LHFPL6: variants seen among roughly 807,000 people sequenced by gnomAD.
LHFPL6 encodes LHFPL tetraspan subfamily member 6.
LHFPL6 carries 9 observed loss-of-function variants against 20.6 expected under a neutral mutation model. The ratio of observed to expected loss-of-function variants is 0.44; its 90% CI spans 0.26 to 0.76. LHFPL6 has a LOEUF of 0.76. Among genes scored for constraint, LHFPL6 ranks in the 30% least tolerant of loss-of-function variants. The probability of loss-of-function intolerance (pLI) is 0.20; values close to 1 mark genes in which losing one functional copy is unlikely to be tolerated. For synonymous variants in LHFPL6, 105 were observed against 98.7 expected, an observed-to-expected ratio of 1.06 and a Z score of -0.38; for missense variants, 218 against 253.5, an observed-to-expected ratio of 0.86 and a Z score of 0.95.
intron 2 of LHFPL6, among the ~76,000 whole-genome samples, chr13:39,532,724 C>T (rs1019262136): frequency 1.3e-5 from 2 of 152,130 alleles, no homozygotes; most frequent in Non-Finnish European, 2.9e-5. Flanking sequence ...CCCTATAATG[C>T]TGTCATTCCA....
chr13:39,532,461 G>T (rs1008449349), intron 2 of LHFPL6, among the ~76,000 whole-genome samples: 1 of 152,060 alleles, frequency 6.6e-6, no homozygotes, highest in Admixed American at 6.6e-5. Context: ...GATAAAAATG[G>T]TTCCCTATTA....
intron 3 of LHFPL6, among the ~76,000 whole-genome samples, chr13:39,354,503 G>A (rs1279315596): frequency 6.6e-6 from 1 of 152,170 alleles, no homozygotes; most frequent in Non-Finnish European, 1.5e-5. Context: ...ACTTCCAAAT[G>A]ACCGTACTAG....
intron 2 of LHFPL6, among the ~76,000 whole-genome samples, chr13:39,520,111 G>A (rs75172354): frequency 0.025 from 3,808 of 152,208 alleles, 62 homozygotes; most frequent in Middle Eastern, 0.048. Flanking sequence ...CTTCAGAATC[G>A]GTTCATCTGA....
chr13:39,484,042 C>T (rs935627738), intron 2 of LHFPL6, among the ~76,000 whole-genome samples: 2 of 152,082 alleles, frequency 1.3e-5, no homozygotes, highest in Non-Finnish European at 2.9e-5. Flanking sequence ...TAAGTATTGG[C>T]TCTTCTCAAA....
intron 2 of LHFPL6, among the ~76,000 whole-genome samples, chr13:39,418,720 C>T (rs1449402751): frequency 6.6e-6 from 1 of 152,182 alleles, no homozygotes; most frequent in Admixed American, 6.5e-5. Context: ...ATATCTGATT[C>T]AGTCACAGAA....
At chr13:39,411,094 G>A (rs1871232785) in intron 2 of LHFPL6, among the ~76,000 whole-genome samples, 1 of 152,130 alleles carries the variant, frequency 6.6e-6, no homozygotes, top group Non-Finnish European at 1.5e-5. Flanking sequence ...ATGTCTGCAC[G>A]GGTAGTATGA....
intron 2 of LHFPL6, among the ~76,000 whole-genome samples, chr13:39,539,033 T>A (rs918064455): frequency 6.6e-6 from 1 of 152,096 alleles, no homozygotes; most frequent in South Asian, 2.1e-4. Flanking sequence ...CAGAAATGAA[T>A]GTGCATGGCT....
chr13:39,543,031 C>T (rs1870861161), intron 2 of LHFPL6, among the ~76,000 whole-genome samples: 1 of 152,184 alleles, frequency 6.6e-6, no homozygotes, highest in Non-Finnish European at 1.5e-5. Context: ...CCTCTTCCTC[C>T]AGCCCCTGGT....
At chr13:39,434,273 A>G (rs1871895333) in intron 2 of LHFPL6, among the ~76,000 whole-genome samples, 1 of 152,180 alleles carries the variant, frequency 6.6e-6, no homozygotes, top group Non-Finnish European at 1.5e-5. Context: ...TCTTTGTAAG[A>G]AAATATATTA....
intron 2 of LHFPL6, among the ~76,000 whole-genome samples, chr13:39,580,811 A>G (rs566738642): frequency 6.6e-6 from 1 of 152,248 alleles, no homozygotes; most frequent in South Asian, 2.1e-4. Context: ...ACCTGAGGCC[A>G]AGAGTCTGTA....
intron 3 of LHFPL6, among the ~76,000 whole-genome samples, chr13:39,357,495 C>G (rs1869757664): frequency 6.6e-6 from 1 of 152,156 alleles, no homozygotes; most frequent in South Asian, 2.1e-4. Context: ...GCTCCCTAGC[C>G]AGAGCAACCA....
chr13:39,401,158 C>A (rs1200698847), intron 2 of LHFPL6, among the ~76,000 whole-genome samples: 2 of 152,128 alleles, frequency 1.3e-5, no homozygotes, highest in Non-Finnish European at 2.9e-5. Flanking sequence ...AATTACATAA[C>A]CCCTGAAATC....
At chr13:39,550,387 A>T (rs1203519961) in intron 2 of LHFPL6, among the ~76,000 whole-genome samples, 1 of 152,134 alleles carries the variant, frequency 6.6e-6, no homozygotes, top group Non-Finnish European at 1.5e-5. Context: ...AACAGGATTA[A>T]ATTTACTGCA....
intron 3 of LHFPL6, among the ~76,000 whole-genome samples, chr13:39,349,576 A>G (rs2138335418): frequency 6.6e-6 from 1 of 152,350 alleles, no homozygotes; most frequent in Non-Finnish European, 1.5e-5. Context: ...GCTATCAAGA[A>G]GCTTATTGTC....
chr13:39,433,670 A>T (rs529331669), intron 2 of LHFPL6, among the ~76,000 whole-genome samples: 41 of 152,360 alleles, frequency 2.7e-4, no homozygotes, highest in Admixed American at 1.4e-3. Context: ...GGAAATAATA[A>T]TAAAACTGGC....
chr13:39,532,980 G>A (rs1183797093), intron 2 of LHFPL6, among the ~76,000 whole-genome samples: 1 of 152,094 alleles, frequency 6.6e-6, no homozygotes, highest in East Asian at 1.9e-4. Flanking sequence ...ATTAATATAT[G>A]TTTTCTGAAA....
chr13:39,526,681 C>G (rs3812881), intron 2 of LHFPL6, among the ~76,000 whole-genome samples: 119,853 of 152,122 alleles, frequency 0.79, 47,331 homozygotes, highest in Middle Eastern at 0.84. Context: ...ACAGCATCTC[C>G]TGAAGTCAAA....
intron 2 of LHFPL6, among the ~76,000 whole-genome samples, chr13:39,474,056 C>A (rs1286201189): frequency 1.3e-5 from 2 of 152,188 alleles, no homozygotes; most frequent in African/African-American, 4.8e-5. Flanking sequence ...GAGGCCAATG[C>A]TGGGTGGTTT....
chr13:39,511,040 T>C (rs1869684741), intron 2 of LHFPL6, among the ~76,000 whole-genome samples: 2 of 152,106 alleles, frequency 1.3e-5, no homozygotes, highest in Admixed American at 6.5e-5. Context: ...GCCCAGCTAA[T>C]TTTTGTATTT....
Sources: gnomAD v4.1 joint callset for allele counts (sites outside exome capture counted in the v4.1 genomes callset) on GRCh38, gnomAD v4.1.1 for gene constraint, MANE v1.5 for transcripts, NCBI Gene and HGNC (gene_info 2026-07-23, HGNC 2026-07-21) for gene names.